The following RALY variants were observed in gnomAD, a reference collection of about 807,000 sequenced individuals.
RALY encodes the protein RALY heterogeneous nuclear ribonucleoprotein, also known as RNA-binding protein Raly.
A neutral mutation model predicts 30.7 loss-of-function variants in RALY; 15 were observed. The ratio of observed to expected loss-of-function variants is 0.49; its 90% confidence interval spans 0.33 to 0.75. The LOEUF is 0.75. Among genes scored for constraint, RALY ranks in the 30% least tolerant of loss-of-function variants. The pLI is 0.02. For synonymous variants in RALY, 177 were observed against 170.8 expected (o/e 1.04, Z -0.28); for missense variants, 339 against 414.3 (o/e 0.82, Z 1.58).
intron 8 of RALY, 99 bp downstream of exon 8, chr20:34,077,344 T>C (rs775238438): frequency 3.2e-6 from 5 of 1,561,320 alleles, no homozygotes; most frequent in Non-Finnish European, 4.3e-6. Context: ...GCCCCCACTG[T>C]GAACTTCCTG....
At chr20:34,077,389 A>G in intron 8 of RALY, 144 bp downstream of exon 8, 2 of 1,514,244 alleles carry the variant, frequency 1.3e-6, no homozygotes, top group South Asian at 2.5e-5. Flanking sequence ...TCCTGGGGGA[A>G]AGAGGGAAGA....
At chr20:34,072,423 C>T in intron 3 of RALY, 93 bp downstream of exon 3, 1 of 1,411,704 alleles carries the variant, frequency 7.1e-7, no homozygotes, top group Non-Finnish European at 9.5e-7. Flanking sequence ...TCTCTCACCG[C>T]TACCACTGCT....
chr20:34,008,306 T>C (rs1182402508), intron 1 of RALY, among the ~76,000 whole-genome samples: 1 of 152,148 alleles, frequency 6.6e-6, no homozygotes, highest in Non-Finnish European at 1.5e-5. Context: ...GAACATAGAA[T>C]AATGATGGAA....
At chr20:34,071,533 C>T (rs2033728074) in intron 2 of RALY, among the ~76,000 whole-genome samples, 3 of 152,106 alleles carry the variant, frequency 2.0e-5, no homozygotes, top group Admixed American at 6.5e-5. Context: ...CCCGTCTCGG[C>T]CTCCAAAGTG....
At chr20:34,003,634 G>GTTTTTTTTT (rs775178178) in intron 1 of RALY, among the ~76,000 whole-genome samples, 4 of 112,962 alleles carry the variant, frequency 3.5e-5, no homozygotes, top group African/African-American at 1.6e-4. Context: ...ATGCCAAACA[G>GTTTTTTTTT]TTTTTTTTTT....
intron 2 of RALY, among the ~76,000 whole-genome samples, chr20:34,043,110 A>G (rs1601460341): frequency 1.3e-5 from 2 of 152,362 alleles, no homozygotes. Context: ...GCAGCCATCA[A>G]CAAGATCTTG....
rs17091466 is a variant in RALY at position 34,011,569 on chromosome 20, A to C, written c.-93+17438A>C. Among the ~76,000 whole-genome samples the C allele has an allele frequency of 8.0e-4, 122 of 152,326 alleles. 1 individual carries two copies. In the East Asian group the frequency reaches 0.023, roughly 29 times the overall value. Reference sequence around the variant, plus strand: ...CTCCTATTCTGAGTCTGGCTCCTTCAGATTTGAAACTAACCATAAGCAGGA... The same window carrying C: ...CTCCTATTCTGAGTCTGGCTCCTTCCGATTTGAAACTAACCATAAGCAGGA... On this transcript the variant is annotated intron_variant, in intron 1 of 9. Coordinates refer to ENST00000246194, the MANE Select transcript of RALY (RefSeq NM_016732.3).
intron 2 of RALY, among the ~76,000 whole-genome samples, chr20:34,046,934 C>T (rs2032902643): frequency 6.6e-6 from 1 of 151,450 alleles, no homozygotes; most frequent in African/African-American, 2.4e-5. Flanking sequence ...ATTCTCCTGC[C>T]TCAGCCTCCT....
intron 2 of RALY, among the ~76,000 whole-genome samples, chr20:34,054,948 T>A (rs982151223): frequency 6.6e-6 from 1 of 152,224 alleles, no homozygotes; most frequent in Admixed American, 6.5e-5. Flanking sequence ...GCAATAGTAA[T>A]ACCATTTTCA....
At chr20:34,045,195 A>G (rs1181511287) in intron 2 of RALY, among the ~76,000 whole-genome samples, 1 of 152,202 alleles carries the variant, frequency 6.6e-6, no homozygotes, top group Non-Finnish European at 1.5e-5. Flanking sequence ...GATTACAGGT[A>G]TGAGCCACTG....
intron 2 of RALY, among the ~76,000 whole-genome samples, chr20:34,067,920 A>G (rs2033623531): frequency 6.7e-6 from 1 of 149,634 alleles, no homozygotes; most frequent in African/African-American, 2.5e-5. Flanking sequence ...TAAGGACCCT[A>G]GACTTAGCGT....
Position 34,073,841 on chromosome 20 carries a change from T to G in RALY, c.352T>G (p.Tyr118Asp). 6.2e-7 allele frequency: 1 copy of G among 1,614,126 alleles called. No individual in the cohort carries two copies. Reference sequence around the variant, plus strand: ...CAGTGGCTACATCTTTGACTATGATTACTACCGGGACGACTTCTACGACAG... The same window carrying G: ...CAGTGGCTACATCTTTGACTATGATGACTACCGGGACGACTTCTACGACAG... ...IYSGYIFDYDYYRDDFYDRLF... is the reference protein window; with the variant it reads ...IYSGYIFDYDDYRDDFYDRLF... Residue 118 changes from tyrosine to aspartate, a missense_variant, in exon 5 of 10, where the codon TAC (tyrosine) becomes GAC (aspartate). Around this residue, in one of 2 missense-constraint regions of RALY, gnomAD observed 268 missense variants for 280.6 expected, o/e 0.95. Transcript: ENST00000246194.
At chr20:34,047,806 C>A (rs1025215091) in intron 2 of RALY, among the ~76,000 whole-genome samples, 9 of 152,118 alleles carry the variant, frequency 5.9e-5, no homozygotes, top group African/African-American at 2.2e-4. Flanking sequence ...GGGTGAGTAG[C>A]CTGGTGATCT....
intron 1 of RALY, among the ~76,000 whole-genome samples, chr20:33,996,031 C>T (rs752527037): frequency 2.0e-5 from 3 of 152,188 alleles, no homozygotes; most frequent in Admixed American, 6.5e-5. Context: ...TGTACTAGTT[C>T]TCGTAAGTCA....
chr20:34,007,692 C>T (rs541011668), intron 1 of RALY, among the ~76,000 whole-genome samples: 2 of 151,692 alleles, frequency 1.3e-5, no homozygotes, highest in Non-Finnish European at 2.9e-5. Flanking sequence ...TGGTGGTGGG[C>T]GCCTATAATC....
intron 2 of RALY, among the ~76,000 whole-genome samples, chr20:34,048,316 G>T (rs576949209): frequency 2.0e-4 from 30 of 152,284 alleles, no homozygotes; most frequent in African/African-American, 7.2e-4. Context: ...CTCCTGGGGG[G>T]ATGAGAGTGT....
intron 1 of RALY, among the ~76,000 whole-genome samples, chr20:34,001,042 G>T (rs1404011999): frequency 6.6e-6 from 1 of 152,114 alleles, no homozygotes; most frequent in Non-Finnish European, 1.5e-5. Flanking sequence ...TTAAATTCTG[G>T]GTTCACAAAA....
At chr20:34,043,656 T>G (rs1202739631) in intron 2 of RALY, among the ~76,000 whole-genome samples, 1 of 152,144 alleles carries the variant, frequency 6.6e-6, no homozygotes, top group Non-Finnish European at 1.5e-5. Flanking sequence ...CCCTGTTCCA[T>G]GGGGGTTCAT....
chr20:34,023,357 G>C (rs1372778645), intron 1 of RALY, among the ~76,000 whole-genome samples: 1 of 152,168 alleles, frequency 6.6e-6, no homozygotes, highest in Non-Finnish European at 1.5e-5. Context: ...ACAGGCAAGT[G>C]AACGGTGGTC....
Sources: gnomAD v4.1 joint callset for allele counts (sites outside exome capture counted in the v4.1 genomes callset) on GRCh38, gnomAD v4.1.1 for gene constraint, gnomAD v4.1.1 regional missense constraint, MANE v1.5 for transcripts, NCBI Gene and HGNC (gene_info 2026-07-23, HGNC 2026-07-21) for gene names.